Variants in POU3F3 observed in about 807,000 individuals in gnomAD.
POU3F3 encodes POU domain, class 3, transcription factor 3.
In POU3F3, 1 loss-of-function variant was observed where a neutral mutation model predicts 8.6. That is an observed-to-expected ratio of 0.12 (90% CI 0.04 to 0.55). The LOEUF is 0.55. Among genes scored for constraint, POU3F3 ranks in the 20% least tolerant of loss-of-function variants. The probability of loss-of-function intolerance (pLI) is 0.91; values close to 1 mark genes in which losing one functional copy is unlikely to be tolerated. For synonymous variants in POU3F3, 418 were observed against 327.4 expected, an observed-to-expected ratio of 1.28 and a Z score of -2.99; for missense variants, 577 against 690.7, an observed-to-expected ratio of 0.84 and a Z score of 1.84.
At chr2:104,927,578 G>A in the POU3F3 span, among the ~76,000 whole-genome samples, 1 of 151,936 alleles carries the variant, frequency 6.6e-6, no homozygotes, top group Non-Finnish European at 1.5e-5. Flanking sequence ...AACACAGTGA[G>A]GCATCTATCT....
chr2:104,863,190 A>G (rs983719862), downstream of POU3F3, among the ~76,000 whole-genome samples: 2 of 145,596 alleles, frequency 1.4e-5, no homozygotes, highest in African/African-American at 5.1e-5. Flanking sequence ...TATTATTATT[A>G]TTATTATTAT....
At chr2:104,868,429 AGTGACT>A in the POU3F3 span, 3 of 448,134 alleles carry the variant, frequency 6.7e-6, no homozygotes, top group East Asian at 2.1e-4. Flanking sequence ...AAATATAGTC[AGTGACT>A]GTTCCCCTAC....
In POU3F3 at chr2:104,857,114, C is replaced by A; in HGVS notation, c.*101C>A. ...CCGCCGCCGCCGCCGCCGCCGCCGC[C>A]GCTGCCGCCGCCGCGCCGACCCTGC... is the stretch of plus-strand genomic sequence containing the variant. On this transcript the variant is annotated 3_prime_UTR_variant, in exon 1 of 1. Transcript: ENST00000361360. The A allele has an allele frequency of 1.1e-6, 1 of 950,470 alleles. No individual in the cohort carries two copies. The highest frequency in any genetic ancestry group is 1.2e-6 in the Non-Finnish European group (1 of 800,122). 58.9% of individuals were successfully genotyped at this position (950,470 alleles called of 1,614,324 possible).
At chr2:104,870,252 G>A in the POU3F3 span, among the ~76,000 whole-genome samples, 1 of 152,234 alleles carries the variant, frequency 6.6e-6, no homozygotes, top group Non-Finnish European at 1.5e-5. Context: ...TCTTGGCACT[G>A]CCTGAGGTGT....
the POU3F3 span, among the ~76,000 whole-genome samples, chr2:104,893,291 T>C: frequency 3.9e-5 from 6 of 152,300 alleles, no homozygotes; most frequent in South Asian, 1.0e-3. Context: ...TCCCTCGTCA[T>C]TGGACCAGCT....
the POU3F3 span, among the ~76,000 whole-genome samples, chr2:104,900,157 G>A: frequency 1.3e-5 from 2 of 152,182 alleles, no homozygotes; most frequent in Non-Finnish European, 2.9e-5. Context: ...ATGGGAGACT[G>A]GGTGACCTCC....
the POU3F3 span, among the ~76,000 whole-genome samples, chr2:104,899,130 T>C: frequency 6.6e-6 from 1 of 152,234 alleles, no homozygotes; most frequent in Non-Finnish European, 1.5e-5. Flanking sequence ...TGAAGTGCCA[T>C]GGAGATACTC....
At chr2:104,862,476 G>A (rs1456188766), downstream of POU3F3, among the ~76,000 whole-genome samples, 3 of 152,266 alleles carry the variant, frequency 2.0e-5, no homozygotes, top group African/African-American at 7.2e-5. Context: ...TGAAAACCCC[G>A]GATCAGAAGA....
chr2:104,879,047 C>A, the POU3F3 span, among the ~76,000 whole-genome samples: 2 of 151,496 alleles, frequency 1.3e-5, no homozygotes, highest in African/African-American at 4.9e-5. Flanking sequence ...TACATACAAA[C>A]CACATACAAC....
At chr2:104,912,578 G>T in the POU3F3 span, among the ~76,000 whole-genome samples, 3 of 152,008 alleles carry the variant, frequency 2.0e-5, no homozygotes, top group African/African-American at 7.2e-5. Context: ...TTATCTTTAG[G>T]GTTTGAAGAG....
At chr2:104,903,798 C>A in the POU3F3 span, among the ~76,000 whole-genome samples, 1 of 152,186 alleles carries the variant, frequency 6.6e-6, no homozygotes, top group Non-Finnish European at 1.5e-5. Context: ...TTAAGAAGCT[C>A]TACGGGTTCT....
At chr2:104,874,307 G>A in the POU3F3 span, among the ~76,000 whole-genome samples, 1 of 152,196 alleles carries the variant, frequency 6.6e-6, no homozygotes, top group South Asian at 2.1e-4. Flanking sequence ...CAAAGGCACC[G>A]GAGGGACTCA....
At chr2:104,877,660 C>CAT in the POU3F3 span, among the ~76,000 whole-genome samples, 1 of 138,836 alleles carries the variant, frequency 7.2e-6, no homozygotes, top group Non-Finnish European at 1.6e-5. Flanking sequence ...TTCTTTTTTT[C>CAT]TTTTTTTTTT....
the POU3F3 span, among the ~76,000 whole-genome samples, chr2:104,880,427 C>A: frequency 1.3e-5 from 2 of 152,132 alleles, no homozygotes; most frequent in African/African-American, 4.8e-5. Context: ...GACCGTGAGA[C>A]CTGTTCTTCT....
chr2:104,871,517 T>C, the POU3F3 span, among the ~76,000 whole-genome samples: 3 of 152,222 alleles, frequency 2.0e-5, no homozygotes, highest in African/African-American at 7.2e-5. Context: ...CTTGATCTGA[T>C]TGGTGCTTTA....
chr2:104,883,838 C>G, the POU3F3 span, among the ~76,000 whole-genome samples: 3 of 152,150 alleles, frequency 2.0e-5, no homozygotes, highest in Non-Finnish European at 4.4e-5. Context: ...GGTAGGAAGA[C>G]AGCATGTGCT....
At chr2:104,899,882 G>C in the POU3F3 span, among the ~76,000 whole-genome samples, 3 of 152,310 alleles carry the variant, frequency 2.0e-5, no homozygotes, top group African/African-American at 7.2e-5. Context: ...AGACAGACTC[G>C]AGGTGAGGGC....
the POU3F3 span, among the ~76,000 whole-genome samples, chr2:104,918,424 A>T: frequency 6.6e-6 from 1 of 152,202 alleles, no homozygotes; most frequent in African/African-American, 2.4e-5. Flanking sequence ...ACGTGACCTT[A>T]TTTGGAAATA....
At chr2:104,920,423 G>A in the POU3F3 span, among the ~76,000 whole-genome samples, 2 of 152,080 alleles carry the variant, frequency 1.3e-5, no homozygotes, top group Non-Finnish European at 2.9e-5. Flanking sequence ...CTTGCCAACT[G>A]ACTATCTCCA....
Sources: gnomAD v4.1 joint callset for allele counts (sites outside exome capture counted in the v4.1 genomes callset) on GRCh38, gnomAD v4.1.1 for gene constraint, MANE v1.5 for transcripts, NCBI Gene and HGNC (gene_info 2026-07-23, HGNC 2026-07-21) for gene names.